EDNRA: variants seen among roughly 807,000 people sequenced by gnomAD.
The protein encoded by EDNRA is endothelin-1 receptor.
A neutral mutation model predicts 41.4 loss-of-function variants in EDNRA; 11 were observed. The ratio of observed to expected loss-of-function variants is 0.27; its 90% CI spans 0.17 to 0.44. The LOEUF (loss-of-function observed/expected upper bound fraction) is 0.44, where lower values mean the gene tolerates loss of function less well. EDNRA is among the 20% of genes least tolerant of loss of function. The pLI, the probability that EDNRA is intolerant of heterozygous loss-of-function variation, is 1.00. For synonymous variants in EDNRA, 172 were observed against 183.0 expected (o/e 0.94, Z 0.49); for missense variants, 294 against 531.0 (o/e 0.55, Z 4.39).
At chr4:147,499,284 G>A (rs949870190) in intron 2 of EDNRA, among the ~76,000 whole-genome samples, 1 of 152,092 alleles carries the variant, frequency 6.6e-6, no homozygotes, top group Non-Finnish European at 1.5e-5. Context: ...TCAAATTTTT[G>A]GACTCAAGTG....
In EDNRA at chr4:147,535,811, G is replaced by T. The variant is rs944202315; in HGVS notation, c.748-66G>T. ...TTTAAAGACCTTAAAGCTACCAGAG[G>T]CACAGCATGGTTAATTGACATGACT... On this transcript the variant is annotated intron_variant, in intron 4 of 7. Coordinates refer to ENST00000651419, the MANE Select transcript of EDNRA (RefSeq NM_001957.4). The T allele has an allele frequency of 3.2e-6, 5 of 1,578,864 alleles. No homozygotes were observed. In the African/African-American group the frequency reaches 4.1e-5, roughly 13 times the overall value.
intron 2 of EDNRA, chr4:147,506,464 A>G (rs1312091588): frequency 2.8e-6 from 1 of 357,586 alleles, no homozygotes; most frequent in Non-Finnish European, 5.6e-6. Flanking sequence ...CAACTGGACA[A>G]AGTTGTAACA....
intron 2 of EDNRA, among the ~76,000 whole-genome samples, chr4:147,508,921 T>C (rs1443738283): frequency 6.6e-6 from 1 of 152,224 alleles, no homozygotes; most frequent in Non-Finnish European, 1.5e-5. Flanking sequence ...AGAATTGTTT[T>C]GGCTATTCTA....
At position 147,485,932 on chromosome 4, in the gene EDNRA, C is replaced by A; in HGVS notation, c.251C>A (p.Thr84Asn). 1 of 1,614,246 alleles carries A rather than the reference C, an allele frequency of 6.2e-7. No homozygotes were observed. Residue 84 changes from threonine (T) to asparagine (N), a missense_variant, in exon 2 of 8, where the codon ACT (threonine) becomes AAT (asparagine). Coordinates refer to ENST00000651419, the MANE Select transcript of EDNRA (RefSeq NM_001957.4). The part of the protein sequence containing the change: ...KITSAFKYIN[T>N]VISCTIFIVG... ...ACTTCAGCTTTCAAATACATTAACA[C>A]TGTGATATCTTGTACTATTTTCATC... is the stretch of plus-strand genomic sequence containing the variant.
intron 2 of EDNRA, chr4:147,489,355 T>C (rs559351584): frequency 5.3e-5 from 8 of 152,264 alleles, no homozygotes; most frequent in African/African-American, 1.9e-4. Flanking sequence ...ACAGACAACA[T>C]TGCTTTGAGT....
At chr4:147,529,072 G>C (rs1286518564) in intron 3 of EDNRA, among the ~76,000 whole-genome samples, 1 of 152,212 alleles carries the variant, frequency 6.6e-6, no homozygotes, top group East Asian at 1.9e-4. Flanking sequence ...TGCGATAACA[G>C]GTACGATGGT....
chr4:147,519,277 A>C lies in EDNRA; in HGVS notation c.421-574A>C, dbSNP rs1730229271. On this transcript the variant is annotated intron_variant, in intron 2 of 7. Transcript: ENST00000651419. This position sits in a 1 kb window ranked among gnomAD's most constrained non-coding sequence, Gnocchi z 4.1. ...TGCCAAAATTAGTAGCTTCTACACC[A>C]CTTTGTTTTTTTCCAGTATTCTCCC... Among the ~76,000 whole-genome samples the C allele has an allele frequency of 6.6e-6, 1 of 152,214 alleles. No individual in the cohort carries two copies. The highest frequency in any genetic ancestry group is 2.4e-5 in the African/African-American group (1 of 41,450).
intron 2 of EDNRA, among the ~76,000 whole-genome samples, chr4:147,500,207 A>C (rs184957541): frequency 1.7e-3 from 258 of 152,324 alleles, no homozygotes; most frequent in African/African-American, 5.9e-3. Context: ...TTACAAGATC[A>C]TAACTAAAAA....
rs893544196 is a variant in EDNRA, at chr4:147,519,788, G to A, written c.421-63G>A. The A allele has an allele frequency of 4.5e-6, 7 of 1,559,484 alleles. No homozygotes were observed. Among genetic ancestry groups the A allele is most frequent in the East Asian group, 2.3e-5 (1 of 42,908 alleles). On this transcript the variant is annotated intron_variant, in intron 2 of 7. Coordinates refer to ENST00000651419, the MANE Select transcript of EDNRA (RefSeq NM_001957.4). The surrounding 1 kb of genome is among the most constrained non-coding windows in gnomAD (Gnocchi z 4.1). ...GAAGTTGGGACGCATAACTAAAACTGTAAGTGCCCACATGCTCCGTGCCAG... is the reference window on the plus strand; with the variant it reads ...GAAGTTGGGACGCATAACTAAAACTATAAGTGCCCACATGCTCCGTGCCAG...
intron 2 of EDNRA, among the ~76,000 whole-genome samples, chr4:147,498,952 G>T (rs1729409842): frequency 6.6e-6 from 1 of 152,196 alleles, no homozygotes; most frequent in African/African-American, 2.4e-5. Flanking sequence ...TTAACCCCAA[G>T]AAGTAAATGG....
chr4:147,505,326 C>CTTTTTTCTTTTTTTTTTTT (rs1729660192), intron 2 of EDNRA, among the ~76,000 whole-genome samples: 1 of 82,030 alleles, frequency 1.2e-5, no homozygotes, highest in African/African-American at 5.4e-5. Flanking sequence ...TTTCTTTTTT[C>CTTTTTTCTTTTTTTTTTTT]ATTTTTTTTT....
intron 1 of EDNRA, among the ~76,000 whole-genome samples, chr4:147,481,787 G>A (rs1312441699): frequency 6.6e-6 from 1 of 152,202 alleles, no homozygotes; most frequent in Non-Finnish European, 1.5e-5. Context: ...TTTCTTACTG[G>A]CTTGCTTTTC....
chr4:147,540,346 A>G, intron 6 of EDNRA, 31 bp from the exon 7 acceptor site: 3 of 1,484,842 alleles, frequency 2.0e-6, no homozygotes, highest in Non-Finnish European at 2.8e-6. Flanking sequence ...AATATATTCT[A>G]ATTATTCTAC....
Position 147,519,847 on chromosome 4 carries a change from T to A in EDNRA, c.421-4T>A. Reference sequence around the variant, plus strand: ...TTTCTTACCACTGTGTCTCCTTCTTTCAGCTGCTGGCTGGGCGCTGGCCTT... The same window carrying A: ...TTTCTTACCACTGTGTCTCCTTCTTACAGCTGCTGGCTGGGCGCTGGCCTT... On this transcript the variant is annotated splice_region_variant and splice_polypyrimidine_tract_variant and intron_variant, in intron 2 of 7. Coordinates refer to ENST00000651419, the MANE Select transcript of EDNRA (RefSeq NM_001957.4). The surrounding 1 kb of genome is among the most constrained non-coding windows in gnomAD (Gnocchi z 4.1). The A allele has an allele frequency of 6.2e-7, 1 of 1,613,480 alleles. No homozygotes were observed. The highest frequency in any genetic ancestry group is 8.5e-7 in the Non-Finnish European group (1 of 1,179,620).
At chr4:147,520,561 T>G (rs1383750201) in intron 3 of EDNRA, 2 of 444,160 alleles carry the variant, frequency 4.5e-6, no homozygotes, top group Non-Finnish European at 9.0e-6. Flanking sequence ...AAAGAAGCCC[T>G]TCTGAATTCT....
intron 7 of EDNRA, 77 bp from the exon 8 acceptor site, chr4:147,542,401 C>T (rs1418742799): frequency 1.3e-6 from 2 of 1,584,018 alleles, no homozygotes; most frequent in East Asian, 2.2e-5. Flanking sequence ...CCCTCATTAG[C>T]ATGGCCCAGG....
At chr4:147,504,957 C>CAAAAAGAAAAAAAA (rs1729637889) in intron 2 of EDNRA, among the ~76,000 whole-genome samples, 1 of 39,046 alleles carries the variant, frequency 2.6e-5, no homozygotes, top group Non-Finnish European at 4.6e-5. Flanking sequence ...GACCCTGTCT[C>CAAAAAGAAAAAAAA]AAAAAAAAAA....
At chr4:147,532,167 A>AT (rs1730768619) in intron 3 of EDNRA, among the ~76,000 whole-genome samples, 1 of 137,276 alleles carries the variant, frequency 7.3e-6, no homozygotes, top group Non-Finnish European at 1.5e-5. Context: ...AAAAAAAAAA[A>AT]TACAAAAAAT....
At chr4:147,535,709 C>T (rs1359155599) in intron 4 of EDNRA, among the ~76,000 whole-genome samples, 168 bp from the exon 5 acceptor site, 6 of 152,144 alleles carry the variant, frequency 3.9e-5, no homozygotes, top group African/African-American at 1.4e-4. Context: ...AAGCTTCCAA[C>T]TGAATTGAGT....
Sources: allele counts gnomAD v4.1 joint callset (sites outside exome capture counted in the v4.1 genomes callset), GRCh38; gene constraint gnomAD v4.1.1; non-coding constraint Gnocchi (gnomAD v3.1); transcripts MANE v1.5; gene names NCBI Gene and HGNC (gene_info 2026-07-23, HGNC 2026-07-21).